Variants in SORT1 observed in about 807,000 individuals in gnomAD.
The protein encoded by SORT1 is sortilin 1, also known as sortilin.
In SORT1, 39 loss-of-function variants were observed where a neutral mutation model predicts 101.7. The ratio of observed to expected loss-of-function variants is 0.38; its 90% CI spans 0.30 to 0.50. The LOEUF (loss-of-function observed/expected upper bound fraction) is 0.50. SORT1 is among the 20% of genes least tolerant of loss of function. The pLI is 0.90. For missense variants in SORT1, 878 were observed against 1,040.4 expected, an observed-to-expected ratio of 0.84 and a Z score of 2.15; for synonymous variants, 396 against 393.7, an observed-to-expected ratio of 1.01 and a Z score of -0.07.
intron 1 of SORT1, among the ~76,000 whole-genome samples, chr1:109,388,331 T>C (rs1047253948): frequency 6.6e-6 from 1 of 152,168 alleles, no homozygotes; most frequent in Non-Finnish European, 1.5e-5. Flanking sequence ...TCAAAACTCC[T>C]GGGCTCAAGT....
chr1:109,381,268 T>C (rs2101646750), intron 1 of SORT1, among the ~76,000 whole-genome samples: 1 of 152,326 alleles, frequency 6.6e-6, no homozygotes, highest in Admixed American at 6.5e-5. Flanking sequence ...ATCTTCTGTG[T>C]TAGGTATCTT....
At chr1:109,319,188 T>C in intron 15 of SORT1, among the ~76,000 whole-genome samples, 1 of 152,238 alleles carries the variant, frequency 6.6e-6, no homozygotes, top group East Asian at 1.9e-4. Context: ...AGATAGTCTT[T>C]GCCTTCCATG....
intron 1 of SORT1, among the ~76,000 whole-genome samples, chr1:109,377,848 C>T (rs1651961801): frequency 6.6e-6 from 1 of 152,056 alleles, no homozygotes; most frequent in Non-Finnish European, 1.5e-5. Context: ...TGAAAATTTT[C>T]AAAGAACACC....
chr1:109,331,200 A>G (rs1263892257), intron 11 of SORT1, among the ~76,000 whole-genome samples: 1 of 152,222 alleles, frequency 6.6e-6, no homozygotes, highest in Non-Finnish European at 1.5e-5. Context: ...TCTGATGAAC[A>G]TAGATGCAAA....
intron 3 of SORT1, among the ~76,000 whole-genome samples, chr1:109,364,384 T>C (rs1406834525): frequency 6.6e-6 from 1 of 152,202 alleles, no homozygotes; most frequent in Non-Finnish European, 1.5e-5. Context: ...TAAAACACGT[T>C]GACATCCATC....
At chr1:109,316,766 A>G in intron 17 of SORT1, 84 bp downstream of exon 17, 2 of 895,550 alleles carry the variant, frequency 2.2e-6, no homozygotes, top group South Asian at 3.2e-5. Context: ...TCAGTAACAA[A>G]ACTCTTGATG....
Position 109,397,755 on chromosome 1 carries a change from C to T in SORT1, c.138G>A (p.Pro46=). 1.7e-6 allele frequency: 2 copies of T among 1,198,376 alleles called. No homozygotes were observed. The highest frequency in any genetic ancestry group is 2.1e-6 in the Non-Finnish European group (2 of 966,172). 74.2% of individuals were successfully genotyped at this position (1,198,376 alleles called of 1,614,324 possible). ...RLDAPPPPAA[P]LPRWSGPIGV... ...CGATGGGGCCAGACCAGCGCGGCAG[C>T]GGCGCAGCGGGCGGCGGCGGCGCGT... is the stretch of plus-strand genomic sequence containing the variant. The change falls in exon 1 of 20, where the codon CCG becomes CCA. Residue 46 remains proline, a synonymous_variant. Transcript: ENST00000256637.
At chr1:109,362,792 CT>C (rs1423086795) in intron 3 of SORT1, among the ~76,000 whole-genome samples, 1 of 151,014 alleles carries the variant, frequency 6.6e-6, no homozygotes, top group Non-Finnish European at 1.5e-5. Context: ...TTTTAATATA[CT>C]TTTTCTTTAA....
intron 1 of SORT1, among the ~76,000 whole-genome samples, chr1:109,396,461 C>CT (rs1184020725): frequency 6.6e-6 from 1 of 152,212 alleles, no homozygotes; most frequent in Non-Finnish European, 1.5e-5. Flanking sequence ...CCCTCCAGCA[C>CT]TAGCTTGGCT....
chr1:109,388,016 C>T (rs1652682533), intron 1 of SORT1, among the ~76,000 whole-genome samples: 1 of 152,120 alleles, frequency 6.6e-6, no homozygotes. Context: ...TATCTCCCAC[C>T]CTCCTCTTTT....
At chr1:109,391,189 A>T (rs574485561) in intron 1 of SORT1, among the ~76,000 whole-genome samples, 2 of 152,338 alleles carry the variant, frequency 1.3e-5, no homozygotes, top group East Asian at 3.9e-4. Context: ...AAAAGAGAAA[A>T]ATGTCTTTCA....
At chr1:109,354,697 C>T (rs72646559) in intron 4 of SORT1, among the ~76,000 whole-genome samples, 166 bp from the exon 5 acceptor site, 133 of 152,218 alleles carry the variant, frequency 8.7e-4, no homozygotes, top group African/African-American at 3.0e-3. Flanking sequence ...GGGTCTTATT[C>T]TTATAAAAAA....
At chr1:109,342,222 A>G in intron 8 of SORT1, 64 bp from the exon 9 acceptor site, 3 of 1,259,574 alleles carry the variant, frequency 2.4e-6, no homozygotes, top group Non-Finnish European at 3.4e-6. Flanking sequence ...CAGGGACATG[A>G]ACAAGAATGT....
intron 1 of SORT1, among the ~76,000 whole-genome samples, chr1:109,386,819 C>T (rs1165551203): frequency 1.3e-5 from 2 of 151,484 alleles, no homozygotes; most frequent in Non-Finnish European, 3.0e-5. Flanking sequence ...ACTAATATTT[C>T]TTGAAACTTC....
intron 15 of SORT1, among the ~76,000 whole-genome samples, chr1:109,320,219 T>TA (rs768422035): frequency 6.6e-6 from 1 of 152,222 alleles, no homozygotes; most frequent in Non-Finnish European, 1.5e-5. Flanking sequence ...TTCCAGGTTT[T>TA]ACCTCTCTTG....
Position 109,355,651 on chromosome 1 carries a change from C to G in SORT1, c.441-182G>C, listed in dbSNP as rs553640321. 4.4e-5 allele frequency among the ~76,000 whole-genome samples: 6 copies of G among 137,056 alleles called. 1 individual carries two copies. In the East Asian group the frequency reaches 1.1e-3, roughly 24 times the overall value. 89.9% of individuals were successfully genotyped at this position (137,056 alleles called of 152,430 possible). On this transcript the variant is annotated intron_variant, in intron 3 of 19. Coordinates refer to ENST00000256637, the MANE Select transcript of SORT1 (RefSeq NM_002959.7). ...TCCGAAGAACATTCCACCCGCCCCC[C>G]CCCCCACAAACCCACTCACCAGTGA... is the stretch of plus-strand genomic sequence containing the variant.
At position 109,311,980 on chromosome 1, in the gene SORT1, T is replaced by C. The variant is rs1336002824; in HGVS notation, c.*2063A>G. 1.3e-5 allele frequency: 2 copies of C among 152,244 alleles called. No individual in the cohort carries two copies. The highest frequency in any genetic ancestry group is 2.9e-5 in the Non-Finnish European group (2 of 68,024). The allele number at this position is 152,244 out of a possible 1,614,324, so 9.4% of individuals were successfully genotyped here. ...TATGTGAGTGAAGGTGCTCTGAAAA[T>C]TTGCCAAGTTCCACAGAAATCCCAG... On this transcript the variant is annotated 3_prime_UTR_variant, in exon 20 of 20. Transcript: ENST00000256637.
chr1:109,344,931 A>G (rs1288776726), intron 8 of SORT1, among the ~76,000 whole-genome samples: 1 of 152,100 alleles, frequency 6.6e-6, no homozygotes, highest in Non-Finnish European at 1.5e-5. Flanking sequence ...TCCTGGGCTC[A>G]AGGGATCCAC....
intron 1 of SORT1, among the ~76,000 whole-genome samples, chr1:109,389,391 T>A (rs1226745072): frequency 6.6e-6 from 1 of 152,220 alleles, no homozygotes; most frequent in East Asian, 1.9e-4. Context: ...TGGGATCTCA[T>A]AACTTTGCCT....
Sources: gnomAD v4.1 joint callset for allele counts (sites outside exome capture counted in the v4.1 genomes callset) on GRCh38, gnomAD v4.1.1 for gene constraint, MANE v1.5 for transcripts, NCBI Gene and HGNC (gene_info 2026-07-23, HGNC 2026-07-21) for gene names.